Variants in HSD17B14 observed in about 807,000 individuals in gnomAD.
HSD17B14 encodes the protein L-fucose dehydrogenase.
HSD17B14 carries 32 observed loss-of-function variants against 32.2 expected under a neutral mutation model. That is an observed-to-expected ratio of 0.99 (90% confidence interval 0.75 to 1.33). HSD17B14 has a LOEUF of 1.33. Ranked by LOEUF, HSD17B14 falls within the 40% of genes most tolerant of loss-of-function variation. The pLI is 0.00. For missense variants in HSD17B14, 370 were observed against 366.5 expected, an observed-to-expected ratio of 1.01 and a Z score of -0.08; for synonymous variants, 140 against 155.4, an observed-to-expected ratio of 0.90 and a Z score of 0.74.
At chr19:48,820,423 T>C (rs1202508434) in intron 5 of HSD17B14, among the ~76,000 whole-genome samples, 1 of 150,894 alleles carries the variant, frequency 6.6e-6, no homozygotes, top group African/African-American at 2.4e-5. Flanking sequence ...TGAGCCGAGA[T>C]TGCACCACTG....
rs948149470 is a variant in HSD17B14 at position 48,813,152 on chromosome 19, G to A, written c.*23C>T. On this transcript the variant is annotated 3_prime_UTR_variant, in exon 9 of 9. Transcript: ENST00000263278. ...GGGGTGGGAGAGTCCTAGGAAGGGG[G>A]CCCCAAGTAGAAATGAGAGAAATCA... 3 of 1,553,260 alleles carry A rather than the reference G, an allele frequency of 1.9e-6. No individual in the cohort carries two copies. The highest frequency in any genetic ancestry group is 1.4e-5 in the African/African-American group (1 of 73,746).
At chr19:48,834,150 T>A in intron 3 of HSD17B14, 126 bp downstream of exon 3, 1 of 742,180 alleles carries the variant, frequency 1.3e-6, no homozygotes, top group Non-Finnish European at 2.3e-6. Flanking sequence ...GGTGGAAACC[T>A]TTGACGAGTC....
rs1249754093 is a variant in HSD17B14, at chr19:48,813,061, G to C, written c.*114C>G. 6.4e-6 allele frequency: 4 copies of C among 629,660 alleles called. No individual in the cohort carries two copies. The highest frequency in any genetic ancestry group is 1.1e-5 in the Non-Finnish European group (4 of 363,556). 39.0% of individuals were successfully genotyped at this position (629,660 alleles called of 1,614,324 possible). A position where few individuals can be genotyped will look rare whatever the true frequency, so the allele number is the denominator to read the frequency against. On this transcript the variant is annotated 3_prime_UTR_variant, in exon 9 of 9. Coordinates refer to ENST00000263278, the MANE Select transcript of HSD17B14 (RefSeq NM_016246.3). ...TTTATGGGAACCTGCAGGGTGACCC[G>C]GCACCTTGCTAACTGGGCTTAGAGT... is the stretch of plus-strand genomic sequence containing the variant.
chr19:48,835,345 G>A (rs1210668356), intron 2 of HSD17B14, among the ~76,000 whole-genome samples: 1 of 111,870 alleles, frequency 8.9e-6, no homozygotes, highest in Non-Finnish European at 1.8e-5. Flanking sequence ...TGGGAGCCTG[G>A]ACTCCTGGGT....
chr19:48,818,156 C>T (rs867989862), intron 5 of HSD17B14, among the ~76,000 whole-genome samples: 7 of 151,674 alleles, frequency 4.6e-5, no homozygotes, highest in African/African-American at 1.5e-4. Flanking sequence ...ACTAAAAATA[C>T]AAAAATTAGC....
intron 5 of HSD17B14, among the ~76,000 whole-genome samples, chr19:48,824,425 G>A (rs2035209217): frequency 1.4e-5 from 2 of 145,768 alleles, no homozygotes; most frequent in African/African-American, 5.1e-5. Flanking sequence ...GACAAGGAAA[G>A]GAGGAAAGAA....
At chr19:48,826,691 G>C (rs1197742482) in intron 5 of HSD17B14, among the ~76,000 whole-genome samples, 2 of 151,210 alleles carry the variant, frequency 1.3e-5, no homozygotes. Context: ...AGGGTTCACT[G>C]GTTAAGCAGG....
intron 5 of HSD17B14, among the ~76,000 whole-genome samples, chr19:48,822,911 G>A (rs1369459297): frequency 6.6e-6 from 1 of 152,030 alleles, no homozygotes; most frequent in Non-Finnish European, 1.5e-5. Context: ...TGATGGTGAG[G>A]GTGGTAACAA....
intron 1 of HSD17B14, 62 bp downstream of exon 1, chr19:48,836,262 C>A: frequency 1.3e-6 from 2 of 1,491,836 alleles, no homozygotes; most frequent in South Asian, 1.1e-5. Context: ...CCGCCCCCAT[C>A]ACCCCGCCCC....
intron 5 of HSD17B14, among the ~76,000 whole-genome samples, chr19:48,818,755 T>C (rs971204833): frequency 6.6e-6 from 1 of 152,040 alleles, no homozygotes; most frequent in Non-Finnish European, 1.5e-5. Context: ...ATGTCAGTGC[T>C]TTGGGAGACT....
chr19:48,835,772 G>C, intron 2 of HSD17B14, 33 bp downstream of exon 2: 2 of 1,612,422 alleles, frequency 1.2e-6, no homozygotes, highest in Non-Finnish European at 1.7e-6. Context: ...AGGGAGGAAG[G>C]GCCAAGGTGA....
rs573746704 is a variant in HSD17B14, at chr19:48,822,297, T to C, written c.370-7156A>G. On this transcript the variant is annotated intron_variant, in intron 5 of 8. Transcript: ENST00000263278. ...GTGATGATGATGAGGATGGTGATGG[T>C]GGTGATGGTGATGATTGTGGCAATG... Among the ~76,000 whole-genome samples, 180 of 150,610 alleles carry C rather than the reference T, an allele frequency of 1.2e-3. 1 individual carries two copies. In the East Asian group the frequency reaches 0.019, roughly 16 times the overall value.
intron 5 of HSD17B14, among the ~76,000 whole-genome samples, chr19:48,821,300 A>G (rs2035144864): frequency 6.6e-6 from 1 of 152,196 alleles, no homozygotes; most frequent in Non-Finnish European, 1.5e-5. Context: ...GGCATGAGCC[A>G]CCGCGCCTGG....
At chr19:48,834,202 T>C (rs2035404945) in intron 3 of HSD17B14, 74 bp downstream of exon 3, 1 of 1,206,264 alleles carries the variant, frequency 8.3e-7, no homozygotes, top group Non-Finnish European at 1.2e-6. Context: ...GGGAAAGGCA[T>C]ATGCAAATGG....
intron 5 of HSD17B14, among the ~76,000 whole-genome samples, chr19:48,821,677 GAT>G: frequency 7.0e-6 from 1 of 143,088 alleles, no homozygotes; most frequent in South Asian, 2.3e-4. Context: ...TAATGATGAT[GAT>G]GGTGATGATG....
chr19:48,832,544 T>A (rs554188056), intron 4 of HSD17B14, 122 bp downstream of exon 4: 2 of 854,976 alleles, frequency 2.3e-6, no homozygotes, highest in African/African-American at 3.3e-5. Flanking sequence ...CCTGTCCAAG[T>A]GGCTAGAAAG....
chr19:48,817,600 G>A (rs1311230761), intron 5 of HSD17B14, among the ~76,000 whole-genome samples: 2 of 152,124 alleles, frequency 1.3e-5, no homozygotes, highest in African/African-American at 4.8e-5. Flanking sequence ...TATTTTACTT[G>A]TTTGTTCATG....
chr19:48,833,939 G>A (rs1036682306), intron 3 of HSD17B14, among the ~76,000 whole-genome samples: 5 of 151,842 alleles, frequency 3.3e-5, no homozygotes, highest in Non-Finnish European at 4.4e-5. Flanking sequence ...GCAGTGAGCC[G>A]AGATCACACC....
At chr19:48,816,354 C>T (rs2035051447) in intron 5 of HSD17B14, among the ~76,000 whole-genome samples, 1 of 152,154 alleles carries the variant, frequency 6.6e-6, no homozygotes, top group African/African-American at 2.4e-5. Flanking sequence ...GCTCCCCTCC[C>T]AAACGACCTC....
Sources: allele counts gnomAD v4.1 joint callset (sites outside exome capture counted in the v4.1 genomes callset), GRCh38; gene constraint gnomAD v4.1.1; transcripts MANE v1.5; gene names NCBI Gene and HGNC (gene_info 2026-07-23, HGNC 2026-07-21).